TNKS2: variants seen among roughly 807,000 people sequenced by gnomAD.
The protein encoded by TNKS2 is poly [ADP-ribose] polymerase tankyrase-2.
Under a neutral mutation model 137.6 loss-of-function variants are expected in TNKS2, and 72 were observed. The observed-to-expected ratio is 0.52, with a 90% CI of 0.43 to 0.64. TNKS2 has a LOEUF of 0.64. Ranked by LOEUF, TNKS2 falls within the 30% of genes least tolerant of loss-of-function variation. The pLI, the probability that TNKS2 is intolerant of heterozygous loss-of-function variation, is 0.00. For synonymous variants in TNKS2, 516 were observed against 512.1 expected (o/e 1.01, Z -0.10); for missense variants, 1,049 against 1,410.2 (o/e 0.74, Z 4.10).
At chr10:91,825,448 G>C (rs1845038553) in intron 7 of TNKS2, among the ~76,000 whole-genome samples, 2 of 152,224 alleles carry the variant, frequency 1.3e-5, no homozygotes, top group South Asian at 4.1e-4. Flanking sequence ...ATATTTAGTT[G>C]AGGGCCACCA....
intron 23 of TNKS2, among the ~76,000 whole-genome samples, chr10:91,856,557 G>C (rs1452407820): frequency 6.6e-6 from 1 of 152,182 alleles, no homozygotes; most frequent in Admixed American, 6.5e-5. Flanking sequence ...AGGAGTGAGA[G>C]CAGGAGAGAG....
chr10:91,849,609 CAT>C lies in TNKS2; in HGVS notation c.2694+18_2694+19del. On this transcript the variant is annotated intron_variant, in intron 20 of 26. Coordinates refer to ENST00000371627, the MANE Select transcript of TNKS2 (RefSeq NM_025235.4). Reference sequence around the variant, plus strand: ...AGAGAGAACAGGTGAGTAGATAAATCATATTGTTTGGATTAGTGTTTTATGGA... The same window carrying C: ...AGAGAGAACAGGTGAGTAGATAAATCATTGTTTGGATTAGTGTTTTATGGA... 5 of 1,574,514 alleles carry C rather than the reference CAT, an allele frequency of 3.2e-6. No individual in the cohort carries two copies. The highest frequency in any genetic ancestry group is 3.4e-6 in the Non-Finnish European group (4 of 1,161,426).
chr10:91,819,656 G>A (rs2133612565), intron 5 of TNKS2, 99 bp downstream of exon 5: 2 of 979,750 alleles, frequency 2.0e-6, no homozygotes, highest in East Asian at 5.1e-5. Flanking sequence ...TGAAGAGAGT[G>A]CTGATGTTTT....
chr10:91,800,553 G>A (rs955322911), intron 1 of TNKS2, among the ~76,000 whole-genome samples: 3 of 152,046 alleles, frequency 2.0e-5, no homozygotes, highest in Non-Finnish European at 4.4e-5. Context: ...CTGTCCCAAC[G>A]TTTCAAAGCA....
chr10:91,832,370 G>A (rs766805773), intron 11 of TNKS2, among the ~76,000 whole-genome samples: 8 of 151,886 alleles, frequency 5.3e-5, no homozygotes, highest in Admixed American at 3.9e-4. Flanking sequence ...AGGACTTCAC[G>A]TTTTTTGGGA....
chr10:91,862,267 T>C, intron 26 of TNKS2, 112 bp downstream of exon 26: 1 of 850,112 alleles, frequency 1.2e-6, no homozygotes, highest in Non-Finnish European at 1.6e-6. Context: ...TTTTTAAAAA[T>C]TTTATTTGGA....
At chr10:91,837,127 T>C in intron 13 of TNKS2, 129 bp downstream of exon 13, 1 of 770,316 alleles carries the variant, frequency 1.3e-6, no homozygotes, top group Non-Finnish European at 1.9e-6. Context: ...AATAATACAA[T>C]CTTAATTGTT....
At chr10:91,806,946 A>G (rs528626258) in intron 1 of TNKS2, among the ~76,000 whole-genome samples, 1 of 152,374 alleles carries the variant, frequency 6.6e-6, no homozygotes, top group Admixed American at 6.5e-5. Flanking sequence ...TCCAGTTTCT[A>G]AGACAGATGC....
chr10:91,862,000 C>A lies in TNKS2; in HGVS notation c.3283C>A (p.Gln1095Lys). The stretch of plus-strand genomic sequence containing the variant: ...GATCTTTTCCTTTTCGTTTTATAGG[C>A]AGCTGCTCTTTTGCCGGGTAACCTT... ...KDRSCYICHR[Q>K]LLFCRVTLGK... Residue 1095 changes from glutamine (Q) to lysine (K), a missense_variant and splice_region_variant, in exon 26 of 27, where the codon CAG becomes AAG. Coordinates refer to ENST00000371627, the MANE Select transcript of TNKS2 (RefSeq NM_025235.4). The A allele has an allele frequency of 6.2e-7, 1 of 1,606,012 alleles. No homozygotes were observed. Among genetic ancestry groups the A allele is most frequent in the Non-Finnish European group, 8.5e-7 (1 of 1,176,148 alleles).
chr10:91,831,756 T>G (rs1845256055), intron 11 of TNKS2, among the ~76,000 whole-genome samples: 1 of 152,210 alleles, frequency 6.6e-6, no homozygotes, highest in South Asian at 2.1e-4. Flanking sequence ...ACCCAGAAAC[T>G]TTTAAAAGTA....
intron 1 of TNKS2, among the ~76,000 whole-genome samples, chr10:91,800,009 G>A (rs1277890746): frequency 6.6e-6 from 1 of 152,176 alleles, no homozygotes; most frequent in Non-Finnish European, 1.5e-5. Context: ...CTACCAATTG[G>A]AGATTTGTTC....
chr10:91,848,556 A>G lies in TNKS2; in HGVS notation c.2532A>G (p.Leu844=), dbSNP rs775433391. ...SLSAASSLDN[L]SGSFSELSSV... ...CTGCAGCCAGCAGTCTTGACAACTT[A>G]TCTGGGAGTTTTTCAGAACTGTCTT... The change falls in exon 19 of 27, where the codon TTA becomes TTG. Residue 844 remains leucine (L), a synonymous_variant. Coordinates refer to ENST00000371627, the MANE Select transcript of TNKS2 (RefSeq NM_025235.4). 4 of 1,614,042 alleles carry G rather than the reference A, an allele frequency of 2.5e-6. No individual in the cohort carries two copies. In the East Asian group the frequency reaches 8.9e-5, roughly 36 times the overall value.
intron 9 of TNKS2, among the ~76,000 whole-genome samples, chr10:91,830,111 A>T (rs1402330902): frequency 6.6e-6 from 1 of 152,186 alleles, no homozygotes; most frequent in African/African-American, 2.4e-5. Flanking sequence ...CATGCTCCTT[A>T]TTCTGCCGAA....
In TNKS2 at chr10:91,857,427, T is replaced by G; in HGVS notation, c.2991T>G (p.Ile997Met). 1 of 1,598,200 alleles carries G rather than the reference T, an allele frequency of 6.3e-7. No homozygotes were observed. Among genetic ancestry groups the G allele is most frequent in the Non-Finnish European group, 8.5e-7 (1 of 1,171,494 alleles). Residue 997 changes from isoleucine (I) to methionine (M), a missense_variant and splice_region_variant, in exon 24 of 27, where the codon ATT (isoleucine) becomes ATG (methionine). Coordinates refer to ENST00000371627, the MANE Select transcript of TNKS2 (RefSeq NM_025235.4). ...GIFNRYNILK[I>M]QKVCNKKLWE... The stretch of plus-strand genomic sequence containing the variant: ...TTTTTCTGGTTTATTTTTTATAGAT[T>G]CAGAAGGTTTGTAACAAGAAACTAT...
intron 11 of TNKS2, 43 bp downstream of exon 11, chr10:91,831,224 T>C (rs778567352): frequency 6.4e-7 from 1 of 1,553,880 alleles, no homozygotes; most frequent in South Asian, 1.1e-5. Context: ...CAATGAGTTA[T>C]TTTTTATTTA....
At chr10:91,839,047 T>C (rs1299749110) in intron 13 of TNKS2, among the ~76,000 whole-genome samples, 3 of 152,122 alleles carry the variant, frequency 2.0e-5, no homozygotes, top group East Asian at 3.9e-4. Context: ...TTTTGTATTT[T>C]TAGTAGAGAC....
In TNKS2 at chr10:91,840,552, G is replaced by A; in HGVS notation, c.1528-9G>A. 1 of 1,609,438 alleles carries A rather than the reference G, an allele frequency of 6.2e-7. No homozygotes were observed. The highest frequency in any genetic ancestry group is 8.5e-7 in the Non-Finnish European group (1 of 1,178,232). Reference sequence around the variant, plus strand: ...TGTAGTATCATGTATGTTGTGTTTTGTCCTTCAGAAACTGTGTACTGTTCA... The same window carrying A: ...TGTAGTATCATGTATGTTGTGTTTTATCCTTCAGAAACTGTGTACTGTTCA... On this transcript the variant is annotated splice_polypyrimidine_tract_variant and intron_variant, in intron 13 of 26. Transcript: ENST00000371627.
chr10:91,856,818 A>G (rs1842719675), intron 23 of TNKS2, among the ~76,000 whole-genome samples: 1 of 152,184 alleles, frequency 6.6e-6, no homozygotes, highest in Admixed American at 6.5e-5. Context: ...GGTGTGCTCT[A>G]GGAACCAGCA....
intron 11 of TNKS2, among the ~76,000 whole-genome samples, chr10:91,832,472 G>GA (rs1554837528): frequency 2.0e-5 from 3 of 148,422 alleles, no homozygotes; most frequent in African/African-American, 7.4e-5. Flanking sequence ...TACCCAAATA[G>GA]TTTTTTTTTT....
Sources: gnomAD v4.1 joint callset for allele counts (sites outside exome capture counted in the v4.1 genomes callset) on GRCh38, gnomAD v4.1.1 for gene constraint, MANE v1.5 for transcripts, NCBI Gene and HGNC (gene_info 2026-07-23, HGNC 2026-07-21) for gene names.